The following RNFT1 variants were observed in gnomAD, a reference collection of about 807,000 sequenced individuals.
RNFT1 encodes ring finger protein, transmembrane 1, also known as E3 ubiquitin-protein ligase RNFT1.
In RNFT1, 35 loss-of-function variants were observed where a neutral mutation model predicts 53.2. The observed-to-expected ratio is 0.66, with a 90% CI of 0.50 to 0.87. The LOEUF (loss-of-function observed/expected upper bound fraction) is 0.87, where lower values mean the gene tolerates loss of function less well. Ranked by LOEUF, RNFT1 falls within the 40% of genes least tolerant of loss-of-function variation. The pLI is 0.00. For missense variants in RNFT1, 421 were observed against 515.0 expected (o/e 0.82, Z 1.77); for synonymous variants, 141 against 172.8 (o/e 0.82, Z 1.44).
Position 59,963,072 on chromosome 17 carries a change from C to T in RNFT1, c.269G>A (p.Cys90Tyr). The T allele has an allele frequency of 6.2e-7, 1 of 1,614,216 alleles. No homozygotes were observed. The highest frequency in any genetic ancestry group is 1.1e-5 in the South Asian group (1 of 91,088). ...ATTTCTGGAGCTTGCATTTTCTGCA[C>T]ATTCTTTAGGTATGGAGTTTATCTG... ...HIQINSIPKE[C>Y]AENASSRNIR... is the part of the protein sequence containing the mutation. Residue 90 changes from cysteine (C) to tyrosine (Y), a missense_variant, in exon 2 of 9, where the codon TGT (cysteine) becomes TAT (tyrosine). Cys to Tyr is a radical substitution (Grantham distance 194, BLOSUM62 -2). Coordinates refer to ENST00000305783, the MANE Select transcript of RNFT1 (RefSeq NM_016125.4).
At position 59,964,638 on chromosome 17, in the gene RNFT1, G is replaced by A. The variant is rs1201705236; in HGVS notation, c.26C>T (p.Pro9Leu). The change falls in exon 1 of 9, where the codon CCG becomes CTG. Residue 9 changes from proline to leucine, a missense_variant. Pro to Leu is a moderately conservative substitution (Grantham distance 98). Coordinates refer to ENST00000305783, the MANE Select transcript of RNFT1 (RefSeq NM_016125.4). ...ATGACCAGAAGCGGACGGAGGTGTC[G>A]GGAGCGACAGCAAGAACAGCGGCAT... MPLFLLSLPTPPSASGHER... is the reference protein window; with the variant it reads MPLFLLSLLTPPSASGHER... The A allele has an allele frequency of 6.2e-7, 1 of 1,608,294 alleles. No individual in the cohort carries two copies. The highest frequency in any genetic ancestry group is 1.7e-5 in the Admixed American group (1 of 59,438).
chr17:59,962,499 G>A (rs2045300876), intron 3 of RNFT1, 41 bp downstream of exon 3: 5 of 1,262,698 alleles, frequency 4.0e-6, no homozygotes, highest in South Asian at 1.3e-5. Context: ...AATCTATGGA[G>A]AGAAACAGTT....
At chr17:59,964,488 G>A in intron 1 of RNFT1, 120 bp downstream of exon 1, 1 of 795,930 alleles carries the variant, frequency 1.3e-6, no homozygotes, top group Non-Finnish European at 1.9e-6. Context: ...AACTCTTCCG[G>A]AATCTCCGAG....
chr17:59,960,302 A>G, intron 3 of RNFT1, 134 bp from the exon 4 acceptor site: 1 of 932,616 alleles, frequency 1.1e-6, no homozygotes, highest in Non-Finnish European at 1.5e-6. Context: ...TAAACTGTAC[A>G]TAATCATCAC....
Position 59,952,365 on chromosome 17 carries a change from A to C in RNFT1, c.*612T>G, listed in dbSNP as rs1341104132. ...TTTATGACGTCCAGAGACAAAATGA[A>C]TTTAAATCATTTATTTTCACTTATT... is the stretch of plus-strand genomic sequence containing the variant. On this transcript the variant is annotated 3_prime_UTR_variant, in exon 9 of 9. Transcript: ENST00000305783. 1 of 152,242 alleles carries C rather than the reference A, an allele frequency of 6.6e-6. No individual in the cohort carries two copies. The highest frequency in any genetic ancestry group is 2.4e-5 in the African/African-American group (1 of 41,476). The allele number at this position is 152,242 out of a possible 1,614,324, so 9.4% of individuals were successfully genotyped here. A position where few individuals can be genotyped will look rare whatever the true frequency, so the allele number is the denominator to read the frequency against.
In RNFT1 at chr17:59,960,279, A is replaced by C; in HGVS notation, c.592-111T>G. On this transcript the variant is annotated intron_variant, in intron 3 of 8. Coordinates refer to ENST00000305783, the MANE Select transcript of RNFT1 (RefSeq NM_016125.4). ...ACTTAGAATATTTTTCTAAATCTTA[A>C]TATAGAATATGTTAAACTGTACATA... The C allele has an allele frequency of 4.1e-6, 5 of 1,207,998 alleles. No individual in the cohort carries two copies. The South Asian group carries it at 8.2e-5, about 20-fold the overall frequency. 74.8% of individuals were successfully genotyped at this position (1,207,998 alleles called of 1,614,324 possible).
intron 5 of RNFT1, among the ~76,000 whole-genome samples, chr17:59,957,844 CAAAACAAAACAAAACCA>C (rs1862465576): frequency 6.6e-6 from 1 of 151,564 alleles, no homozygotes; most frequent in African/African-American, 2.4e-5. Flanking sequence ...GAGACAATCT[CAAAACAAAACAAAACCA>C]AAAAAAAAGA....
At chr17:59,954,230 A>G (rs2045240515) in intron 7 of RNFT1, 84 bp from the exon 8 acceptor site, 1 of 926,438 alleles carries the variant, frequency 1.1e-6, no homozygotes, top group South Asian at 1.6e-5. Context: ...GTACTTCTCA[A>G]ATCTCCCTGG....
In RNFT1 at chr17:59,958,288, T is replaced by C. The variant is rs1210642927; in HGVS notation, c.846+3A>G. 7 of 1,587,616 alleles carry C rather than the reference T, an allele frequency of 4.4e-6. No individual in the cohort carries two copies. The African/African-American group carries it at 6.8e-5, about 16-fold the overall frequency. The stretch of plus-strand genomic sequence containing the variant: ...TCCAATAAAGCATAAGTGAGTTTCT[T>C]ACCTTAGATTTAAAAGGCATGATGA... On this transcript the variant is annotated splice_donor_region_variant and intron_variant, in intron 5 of 8. Coordinates refer to ENST00000305783, the MANE Select transcript of RNFT1 (RefSeq NM_016125.4).
At position 59,957,380 on chromosome 17, in the gene RNFT1, A is replaced by G; in HGVS notation, c.849T>C (p.Gly283=). ...ATTCTTCTAAAAGCATATACCAGTA[A>G]CCCTAAAAAATAAGAAGAAAACAAA... is the stretch of plus-strand genomic sequence containing the variant. ...PSFIMPFKSK[G]YWYMLLEELC... is the part of the protein sequence containing the mutation. Residue 283 remains glycine (G), a splice_region_variant and synonymous_variant, in exon 6 of 9, where the codon GGT becomes GGC. Transcript: ENST00000305783. 2 of 1,604,190 alleles carry G rather than the reference A, an allele frequency of 1.2e-6. No individual in the cohort carries two copies. Among genetic ancestry groups the G allele is most frequent in the Non-Finnish European group, 1.7e-6 (2 of 1,177,260 alleles).
At chr17:59,961,705 T>C (rs1400649558) in intron 3 of RNFT1, among the ~76,000 whole-genome samples, 1 of 151,856 alleles carries the variant, frequency 6.6e-6, no homozygotes, top group East Asian at 1.9e-4. Flanking sequence ...GCCTCCCAAG[T>C]AGCTGGGACT....
intron 7 of RNFT1, among the ~76,000 whole-genome samples, chr17:59,955,718 A>G (rs1394332828): frequency 6.6e-6 from 1 of 152,200 alleles, no homozygotes; most frequent in East Asian, 1.9e-4. Flanking sequence ...CTTTGTAGAC[A>G]TAATTCTTTT....
In RNFT1 at chr17:59,952,788, A is replaced by C. The variant is rs963630913; in HGVS notation, c.*189T>G. On this transcript the variant is annotated 3_prime_UTR_variant, in exon 9 of 9. Transcript: ENST00000305783. ...AAATGTTGCATATACATTAGGTTGA[A>C]CATTATATATATTTTAAAACACAGG... The C allele has an allele frequency of 2.0e-6, 1 of 491,614 alleles. No homozygotes were observed. The highest frequency in any genetic ancestry group is 1.9e-5 in the African/African-American group (1 of 51,314). 30.5% of individuals were successfully genotyped at this position (491,614 alleles called of 1,614,324 possible). A position where few individuals can be genotyped will look rare whatever the true frequency, so the allele number is the denominator to read the frequency against.
At chr17:59,955,800 G>A (rs2045250893) in intron 7 of RNFT1, among the ~76,000 whole-genome samples, 1 of 152,096 alleles carries the variant, frequency 6.6e-6, no homozygotes, top group Admixed American at 6.6e-5. Context: ...TGAAATGACT[G>A]CAAAATTGAG....
chr17:59,953,729 A>G (rs889087930), intron 8 of RNFT1, among the ~76,000 whole-genome samples: 4 of 152,222 alleles, frequency 2.6e-5, no homozygotes, highest in African/African-American at 9.6e-5. Flanking sequence ...AGTATAGGAA[A>G]GGGCCACAAT....
At position 59,963,228 on chromosome 17, in the gene RNFT1, A is replaced by G; in HGVS notation, c.113T>C (p.Met38Thr). The part of the protein sequence containing the change: ...SGSEKKYLRA[M>T]QANRSQLHSP... ...GTGCAGTTGGCTACGATTGGCTTGC[A>G]TGGCCCTTAAATACTTTTTCTCTGA... is the stretch of plus-strand genomic sequence containing the variant. Residue 38 changes from methionine to threonine, a missense_variant, in exon 2 of 9, where the codon ATG becomes ACG. Met to Thr is a moderately conservative substitution (Grantham distance 81, BLOSUM62 -1). Transcript: ENST00000305783. The G allele has an allele frequency of 6.2e-6, 10 of 1,613,932 alleles. No individual in the cohort carries two copies. The highest frequency in any genetic ancestry group is 8.5e-6 in the Non-Finnish European group (10 of 1,180,014).
In RNFT1 at chr17:59,952,398, T is replaced by G. The variant is rs1020139161; in HGVS notation, c.*579A>C. ...CATTTATTTTCACTTATTACTAATC[T>G]TACTACAGAGAATAATACAATACTA... On this transcript the variant is annotated 3_prime_UTR_variant, in exon 9 of 9. Coordinates refer to ENST00000305783, the MANE Select transcript of RNFT1 (RefSeq NM_016125.4). The G allele has an allele frequency of 6.6e-6, 1 of 152,214 alleles. No homozygotes were observed. Among genetic ancestry groups the G allele is most frequent in the African/African-American group, 2.4e-5 (1 of 41,466 alleles). The allele number at this position is 152,214 out of a possible 1,614,324, so 9.4% of individuals were successfully genotyped here. A position where few individuals can be genotyped will look rare whatever the true frequency, so the allele number is the denominator to read the frequency against.
At chr17:59,955,516 T>C (rs1334072130) in intron 7 of RNFT1, among the ~76,000 whole-genome samples, 1 of 152,170 alleles carries the variant, frequency 6.6e-6, no homozygotes, top group African/African-American at 2.4e-5. Context: ...GCACAAATCT[T>C]ACAAGACCAA....
In RNFT1 at chr17:59,964,619, A is replaced by G. The variant is rs753735830; in HGVS notation, c.45T>C (p.Ser15=). The G allele has an allele frequency of 1.2e-6, 2 of 1,607,016 alleles. No homozygotes were observed. Among genetic ancestry groups the G allele is most frequent in the East Asian group, 2.2e-5 (1 of 44,594 alleles). The change falls in exon 1 of 9, where the codon TCT becomes TCC. Residue 15 remains serine (S), a synonymous_variant. Coordinates refer to ENST00000305783, the MANE Select transcript of RNFT1 (RefSeq NM_016125.4). ...LLSLPTPPSA[S]GHERRQRPEA... ...CCCCCAGGCCTAACCTCTCATGACC[A>G]GAAGCGGACGGAGGTGTCGGGAGCG...
Sources: allele counts gnomAD v4.1 joint callset (sites outside exome capture counted in the v4.1 genomes callset), GRCh38; gene constraint gnomAD v4.1.1; transcripts MANE v1.5; gene names NCBI Gene and HGNC (gene_info 2026-07-23, HGNC 2026-07-21).